CACNA2D1: variants seen among roughly 807,000 people sequenced by gnomAD.
CACNA2D1 encodes voltage-dependent calcium channel subunit alpha-2/delta-1.
Under a neutral mutation model 171.5 loss-of-function variants are expected in CACNA2D1, and 53 were observed. That is an observed-to-expected ratio of 0.31 (90% CI 0.25 to 0.39). The LOEUF (loss-of-function observed/expected upper bound fraction) is 0.39. CACNA2D1 is among the 10% of genes least tolerant of loss of function. The probability of loss-of-function intolerance (pLI) is 1.00; values close to 1 mark genes in which losing one functional copy is unlikely to be tolerated. For missense variants in CACNA2D1, 903 were observed against 1,299.8 expected (o/e 0.69, Z 4.69); for synonymous variants, 442 against 443.1 (o/e 1.00, Z 0.03).
Position 82,005,506 on chromosome 7 carries a change from GAAAAA to G in CACNA2D1, c.1516-14_1516-10del. 1.7e-6 allele frequency: 2 copies of G among 1,199,582 alleles called. No homozygotes were observed. The highest frequency in any genetic ancestry group is 2.3e-6 in the Non-Finnish European group (2 of 868,594). The allele number at this position is 1,199,582 out of a possible 1,614,324, so 74.3% of individuals were successfully genotyped here. A position where few individuals can be genotyped will look rare whatever the true frequency, so the allele number is the denominator to read the frequency against. On this transcript the variant is annotated splice_polypyrimidine_tract_variant and intron_variant, in intron 17 of 38. Transcript: ENST00000356860. ...TACCCATTGGGGCACAGCTGGAAAA[GAAAAA>G]AAAAAAAAAGCTTGGATATGCCTGA...
At chr7:82,119,533 G>A (rs144292135) in intron 5 of CACNA2D1, among the ~76,000 whole-genome samples, 97 of 152,138 alleles carry the variant, frequency 6.4e-4, no homozygotes, top group African/African-American at 2.1e-3. Flanking sequence ...TAACATATTT[G>A]TCTCACCCTT....
intron 3 of CACNA2D1, among the ~76,000 whole-genome samples, chr7:82,304,888 G>A (rs1387407225): frequency 6.6e-6 from 1 of 152,118 alleles, no homozygotes; most frequent in Non-Finnish European, 1.5e-5. Flanking sequence ...TCCCAACACA[G>A]AAACGGAAAA....
intron 7 of CACNA2D1, among the ~76,000 whole-genome samples, chr7:82,080,688 A>T (rs1181518346): frequency 6.6e-6 from 1 of 152,184 alleles, no homozygotes. Flanking sequence ...TGGCAGCCCT[A>T]CAGAAAAGTG....
At chr7:81,980,979 G>C (rs1446074416) in intron 24 of CACNA2D1, among the ~76,000 whole-genome samples, 1 of 152,126 alleles carries the variant, frequency 6.6e-6, no homozygotes, top group African/African-American at 2.4e-5. Flanking sequence ...CTCTTGTCTG[G>C]TTTCCATGAG....
intron 3 of CACNA2D1, among the ~76,000 whole-genome samples, chr7:82,175,100 T>C (rs1585005202): frequency 6.6e-6 from 1 of 152,040 alleles, no homozygotes; most frequent in African/African-American, 2.4e-5. Flanking sequence ...GTAACTTGCT[T>C]CCTAGATTGC....
intron 1 of CACNA2D1, among the ~76,000 whole-genome samples, chr7:82,378,788 C>T (rs1296047320): frequency 2.0e-5 from 3 of 152,200 alleles, no homozygotes; most frequent in South Asian, 2.1e-4. Context: ...GACCTGAAGC[C>T]ACCATTGAAG....
At chr7:82,099,392 TACATACTCTAAAACAGGTAGCAATACC>T in intron 6 of CACNA2D1, among the ~76,000 whole-genome samples, 1 of 148,816 alleles carries the variant, frequency 6.7e-6, no homozygotes. Context: ...TTTTTAAAAT[TACATACTCTAAAACAGGTAGCAATACC>T]TTCTTTTTTT....
At chr7:82,049,445 G>A (rs937076126) in intron 10 of CACNA2D1, among the ~76,000 whole-genome samples, 1 of 152,026 alleles carries the variant, frequency 6.6e-6, no homozygotes, top group African/African-American at 2.4e-5. Flanking sequence ...TAATTACCAA[G>A]CTCTTAAAAT....
chr7:82,057,583 T>A (rs1294336935), intron 10 of CACNA2D1, among the ~76,000 whole-genome samples: 5 of 150,626 alleles, frequency 3.3e-5, no homozygotes, highest in Admixed American at 2.0e-4. Flanking sequence ...AAAAAATAAG[T>A]GATGCTACTG....
chr7:82,057,879 C>G (rs1014243216), intron 10 of CACNA2D1, among the ~76,000 whole-genome samples: 4 of 152,144 alleles, frequency 2.6e-5, no homozygotes, highest in African/African-American at 9.6e-5. Context: ...TGAATTATGT[C>G]CTTGGTTCTA....
intron 1 of CACNA2D1, among the ~76,000 whole-genome samples, chr7:82,405,422 A>G (rs1446835689): frequency 1.3e-5 from 2 of 152,212 alleles, no homozygotes; most frequent in African/African-American, 4.8e-5. Context: ...GATCACACTT[A>G]CAAATCTGGG....
At chr7:82,325,755 G>A (rs1425388902) in intron 3 of CACNA2D1, among the ~76,000 whole-genome samples, 1 of 152,124 alleles carries the variant, frequency 6.6e-6, no homozygotes, top group African/African-American at 2.4e-5. Context: ...GGACACACAA[G>A]GGAACACCAA....
intron 32 of CACNA2D1, 104 bp from the exon 33 acceptor site, chr7:81,964,463 A>T: frequency 1.1e-6 from 1 of 873,438 alleles, no homozygotes; most frequent in South Asian, 1.6e-5. Flanking sequence ...AAAGAAACTG[A>T]ACTACAACTG....
chr7:82,400,240 A>C (rs1187635722), intron 1 of CACNA2D1, among the ~76,000 whole-genome samples: 1 of 151,630 alleles, frequency 6.6e-6, no homozygotes, highest in Non-Finnish European at 1.5e-5. Context: ...TCTGTGAAGC[A>C]AGGCATTGGT....
chr7:82,111,444 A>ATATATTTT (rs1207440298), intron 6 of CACNA2D1, among the ~76,000 whole-genome samples: 1 of 69,968 alleles, frequency 1.4e-5, no homozygotes, highest in African/African-American at 6.8e-5. Flanking sequence ...ATATATATAT[A>ATATATTTT]TTTTTTTTTT....
At chr7:82,427,304 A>C (rs1183789177) in intron 1 of CACNA2D1, among the ~76,000 whole-genome samples, 1 of 152,260 alleles carries the variant, frequency 6.6e-6, no homozygotes, top group Non-Finnish European at 1.5e-5. Flanking sequence ...TTTCAGGAGC[A>C]TAACCACAAG....
Position 82,136,694 on chromosome 7 carries a change from C to G in CACNA2D1, c.355-18G>C. ...TCATTGCTCTACAAAAAAAAAAGAA[C>G]GCTTTATTGATTTTAATAAAAACAA... On this transcript the variant is annotated intron_variant, in intron 4 of 38. Coordinates refer to ENST00000356860, the MANE Select transcript of CACNA2D1 (RefSeq NM_000722.4). 2 of 1,531,456 alleles carry G rather than the reference C, an allele frequency of 1.3e-6. No individual in the cohort carries two copies. The highest frequency in any genetic ancestry group is 1.8e-6 in the Non-Finnish European group (2 of 1,123,680). 94.9% of individuals were successfully genotyped at this position (1,531,456 alleles called of 1,614,324 possible).
Position 82,060,745 on chromosome 7 carries a change from C to T in CACNA2D1, c.780-218G>A, listed in dbSNP as rs11974188. Among the ~76,000 whole-genome samples the T allele has an allele frequency of 0.018, 2,728 of 151,654 alleles. 87 individuals carry two copies. Among genetic ancestry groups the T allele is most frequent in the African/African-American group, 0.061 (2,518 of 41,342 alleles). On this transcript the variant is annotated intron_variant, in intron 9 of 38. Coordinates refer to ENST00000356860, the MANE Select transcript of CACNA2D1 (RefSeq NM_000722.4). ...TTTCCTCCCAATATCAGTATGTGTA[C>T]ATTTCTAACTGAAATTATCAAAATT...
Position 82,258,817 on chromosome 7 carries a change from C to CTTTTTTTTTTTTTTTTTTTTTTTTTTT in CACNA2D1, c.294+76317_294+76318insAAAAAAAAAAAAAAAAAAAAAAAAAAA, listed in dbSNP as rs201927487. On this transcript the variant is annotated intron_variant, in intron 3 of 38. Coordinates refer to ENST00000356860, the MANE Select transcript of CACNA2D1 (RefSeq NM_000722.4). Reference sequence around the variant, plus strand: ...ATTTCTTTCTTTCTTTCTTACTTTTCTTTTTTTTTTTTTTTTTTTTTTGAG... The same window carrying CTTTTTTTTTTTTTTTTTTTTTTTTTTT: ...ATTTCTTTCTTTCTTTCTTACTTTTCTTTTTTTTTTTTTTTTTTTTTTTTTTTTTTTTTTTTTTTTTTTTTTTTTGAG... 1.2e-4 allele frequency among the ~76,000 whole-genome samples: 9 copies of CTTTTTTTTTTTTTTTTTTTTTTTTTTT among 72,616 alleles called. 1 individual carries two copies. Among genetic ancestry groups the CTTTTTTTTTTTTTTTTTTTTTTTTTTT allele is most frequent in the African/African-American group, 1.6e-4 (3 of 18,612 alleles). The allele number at this position is 72,616 out of a possible 152,430, so 47.6% of individuals were successfully genotyped here.
Sources: gnomAD v4.1 joint callset for allele counts (sites outside exome capture counted in the v4.1 genomes callset) on GRCh38, gnomAD v4.1.1 for gene constraint, MANE v1.5 for transcripts, NCBI Gene and HGNC (gene_info 2026-07-23, HGNC 2026-07-21) for gene names.